The following AVEN variants were observed in gnomAD, a reference collection of about 807,000 sequenced individuals.
AVEN encodes the protein apoptosis and caspase activation inhibitor.
AVEN carries 41 observed loss-of-function variants against 38.1 expected under a neutral mutation model. The ratio of observed to expected loss-of-function variants is 1.08; its 90% CI spans 0.84 to 1.40. AVEN has a LOEUF of 1.40. Ranked by LOEUF, AVEN falls within the 40% of genes most tolerant of loss-of-function variation. The pLI is 0.00. For synonymous variants in AVEN, 206 were observed against 171.8 expected (o/e 1.20, Z -1.56); for missense variants, 605 against 438.8 (o/e 1.38, Z -3.38).
At chr15:34,008,483 CTTTTTTTTTTTTTT>C (rs200355232) in intron 1 of AVEN, among the ~76,000 whole-genome samples, 13 of 119,216 alleles carry the variant, frequency 1.1e-4, no homozygotes, top group South Asian at 8.0e-4. Context: ...GATGAAAAAC[CTTTTTTTTTTTTTT>C]TTTTTTTTTG....
chr15:33,861,406 G>C (rs1243608641), downstream of AVEN, among the ~76,000 whole-genome samples: 1 of 151,846 alleles, frequency 6.6e-6, no homozygotes, highest in Non-Finnish European at 1.5e-5. Context: ...CCTGTGATTG[G>C]ATTCCATCCG....
At chr15:33,906,961 G>A (rs1343932263) in intron 2 of AVEN, among the ~76,000 whole-genome samples, 1 of 152,008 alleles carries the variant, frequency 6.6e-6, no homozygotes, top group Non-Finnish European at 1.5e-5. Context: ...GGGGGGAAGG[G>A]GGTGTACACA....
upstream of AVEN, among the ~76,000 whole-genome samples, chr15:34,043,810 G>A (rs1218057063): frequency 6.6e-6 from 1 of 152,110 alleles, no homozygotes; most frequent in Non-Finnish European, 1.5e-5. Flanking sequence ...ATGAAGAAAT[G>A]AAAGCAACCA....
In AVEN at chr15:33,867,685, G is replaced by A. The variant is rs1294359024; in HGVS notation, c.783C>T (p.Ser261=). 4 of 1,614,140 alleles carry A rather than the reference G, an allele frequency of 2.5e-6. No individual in the cohort carries two copies. The highest frequency in any genetic ancestry group is 3.4e-6 in the Non-Finnish European group (4 of 1,180,018). ...TCTGAGAATCCCTTGAAGGACCCGG[G>A]CTTGGGTTGTCTTTGCCCAGCAACA... The part of the protein sequence containing the change: ...CPVLLGKDNP[S]PGPSRDSQKP... The change falls in exon 5 of 6, where the codon AGC becomes AGT. Residue 261 remains serine, a synonymous_variant. Coordinates refer to ENST00000306730, the MANE Select transcript of AVEN (RefSeq NM_020371.3).
intron 2 of AVEN, among the ~76,000 whole-genome samples, chr15:33,975,624 A>G (rs1255335135): frequency 2.6e-5 from 4 of 152,234 alleles, no homozygotes; most frequent in Non-Finnish European, 5.9e-5. Flanking sequence ...AGAAAACAAC[A>G]GAATTTGTTA....
chr15:33,865,081 A>G (rs1395848743), downstream of AVEN: 1 of 1,465,094 alleles, frequency 6.8e-7, no homozygotes, highest in African/African-American at 1.4e-5. Flanking sequence ...ACTGGGTTTT[A>G]GCTTTTACTG....
At chr15:34,011,464 T>G (rs1217243415) in intron 1 of AVEN, among the ~76,000 whole-genome samples, 1 of 152,130 alleles carries the variant, frequency 6.6e-6, no homozygotes, top group Admixed American at 6.5e-5. Context: ...CCCAGAACAA[T>G]GTACATAATA....
In AVEN at chr15:33,866,699, T is replaced by G; in HGVS notation, c.1003A>C (p.Lys335Gln). The G allele has an allele frequency of 1.2e-6, 2 of 1,614,160 alleles. No individual in the cohort carries two copies. The highest frequency in any genetic ancestry group is 1.7e-6 in the Non-Finnish European group (2 of 1,179,998). The change falls in exon 6 of 6, where the codon AAA becomes CAA. Residue 335 changes from lysine to glutamine, a missense_variant. Transcript: ENST00000306730. ...CTTGGTTGCTCAGGTTCCATGTTTTTTTCTTCAGTCACAGATGGTTTTGCA... is the reference window on the plus strand; with the variant it reads ...CTTGGTTGCTCAGGTTCCATGTTTTGTTCTTCAGTCACAGATGGTTTTGCA... ...VCAKPSVTEE[K>Q]NMEPEQPSTS...
intron 2 of AVEN, among the ~76,000 whole-genome samples, chr15:34,000,163 G>T (rs2140613177): frequency 6.6e-6 from 1 of 152,152 alleles, no homozygotes; most frequent in South Asian, 2.1e-4. Flanking sequence ...AAGACCCCTG[G>T]CTACTTCTAA....
At chr15:33,933,510 CACACACACACACACAGAGAGAGAG>C (rs1567420577) in intron 2 of AVEN, among the ~76,000 whole-genome samples, 3 of 119,152 alleles carry the variant, frequency 2.5e-5, no homozygotes, top group Non-Finnish European at 5.3e-5. Flanking sequence ...CACACACACA[CACACACACACACACAGAGAGAGAG>C]AGAGAGAGAG....
chr15:33,882,936 T>A (rs1891551808), intron 2 of AVEN, among the ~76,000 whole-genome samples: 1 of 152,036 alleles, frequency 6.6e-6, no homozygotes, highest in African/African-American at 2.4e-5. Context: ...ATATAAGAGA[T>A]AGCAGCAATC....
At chr15:33,957,497 T>C (rs532579927) in intron 2 of AVEN, among the ~76,000 whole-genome samples, 1 of 152,328 alleles carries the variant, frequency 6.6e-6, no homozygotes, top group East Asian at 1.9e-4. Flanking sequence ...CCTACGTATT[T>C]ACCCAAGAGA....
intron 2 of AVEN, among the ~76,000 whole-genome samples, chr15:33,934,246 A>G (rs1893979365): frequency 6.6e-6 from 1 of 151,992 alleles, no homozygotes; most frequent in Non-Finnish European, 1.5e-5. Flanking sequence ...CCATAGTCCC[A>G]GCTACTCAGG....
intron 2 of AVEN, among the ~76,000 whole-genome samples, chr15:33,968,166 T>C (rs1198780371): frequency 9.1e-6 from 1 of 109,346 alleles, no homozygotes; most frequent in Non-Finnish European, 2.0e-5. Flanking sequence ...ATGAACATTT[T>C]CAAAAGCATT....
chr15:33,870,066 G>C (rs753861248), intron 4 of AVEN, among the ~76,000 whole-genome samples: 10 of 152,100 alleles, frequency 6.6e-5, no homozygotes, highest in Non-Finnish European at 1.5e-4. Context: ...CTACCACTGA[G>C]TTGCACAATC....
At chr15:33,932,724 C>T (rs992355287) in intron 2 of AVEN, among the ~76,000 whole-genome samples, 5 of 151,996 alleles carry the variant, frequency 3.3e-5, no homozygotes, top group African/African-American at 4.8e-5. Flanking sequence ...ACTCAGGAGG[C>T]TGAGGCAGGA....
At chr15:33,984,788 G>T (rs8038713) in intron 2 of AVEN, among the ~76,000 whole-genome samples, 65,906 of 151,914 alleles carry the variant, frequency 0.43, 15,021 homozygotes, top group African/African-American at 0.56. Flanking sequence ...TGAGACAAAC[G>T]TTAGTAGCAA....
At chr15:33,958,593 G>GAA (rs1327584853) in intron 2 of AVEN, among the ~76,000 whole-genome samples, 3 of 122,318 alleles carry the variant, frequency 2.5e-5, no homozygotes, top group African/African-American at 2.8e-5. Context: ...CCTATCTCAA[G>GAA]AAAAAAAAAA....
intron 2 of AVEN, among the ~76,000 whole-genome samples, chr15:33,904,681 TTAAA>T (rs1276582239): frequency 6.5e-4 from 8 of 12,260 alleles, no homozygotes; most frequent in Non-Finnish European, 1.4e-3. Context: ...GACTGTTTCT[TTAAA>T]AAAAAAAAAA....
Sources: allele counts gnomAD v4.1 joint callset (sites outside exome capture counted in the v4.1 genomes callset), GRCh38; gene constraint gnomAD v4.1.1; transcripts MANE v1.5; gene names NCBI Gene and HGNC (gene_info 2026-07-23, HGNC 2026-07-21).